The following DMXL1 variants were observed in gnomAD, a reference collection of about 807,000 sequenced individuals.
The protein encoded by DMXL1 is dmX-like protein 1.
A neutral mutation model predicts 319.2 loss-of-function variants in DMXL1; 99 were observed. The ratio of observed to expected loss-of-function variants is 0.31; its 90% CI spans 0.26 to 0.37. DMXL1 has a LOEUF of 0.37. Among genes scored for constraint, DMXL1 ranks in the 10% least tolerant of loss-of-function variants. DMXL1 has a pLI of 1.00. For synonymous variants in DMXL1, 1,385 were observed against 1,235.2 expected (o/e 1.12, Z -2.54); for missense variants, 3,745 against 3,595.6 (o/e 1.04, Z -1.06).
intron 5 of DMXL1, 30 bp from the exon 6 acceptor site, chr5:119,114,445 C>T (rs374448175): frequency 5.4e-6 from 8 of 1,474,264 alleles, no homozygotes; most frequent in Non-Finnish European, 7.5e-6. Context: ...GTTTTCATTG[C>T]AAATTATTCC....
At chr5:119,119,077 A>C in intron 8 of DMXL1, 73 bp downstream of exon 8, 1 of 976,506 alleles carries the variant, frequency 1.0e-6, no homozygotes, top group Admixed American at 3.1e-5. Flanking sequence ...GTAACACAGT[A>C]ATGTTATAAA....
intron 19 of DMXL1, among the ~76,000 whole-genome samples, chr5:119,161,081 C>T (rs1033648423): frequency 2.0e-5 from 3 of 152,162 alleles, no homozygotes; most frequent in Non-Finnish European, 4.4e-5. Flanking sequence ...CTCATTTGAG[C>T]AAGCTATCTG....
intron 25 of DMXL1, among the ~76,000 whole-genome samples, chr5:119,173,776 G>GTGTGTGTGTATATATATATATATA: frequency 4.5e-4 from 30 of 67,172 alleles, no homozygotes; most frequent in African/African-American, 1.7e-3. Context: ...ATGTGTGTGT[G>GTGTGTGTGTATATATATATATATA]TATATATATA....
chr5:119,214,780 A>G (rs116665871), intron 34 of DMXL1, among the ~76,000 whole-genome samples: 4,437 of 152,276 alleles, frequency 0.029, 95 homozygotes, highest in Non-Finnish European at 0.043. Context: ...ATGTATTCCT[A>G]CATAGAGAAA....
intron 34 of DMXL1, among the ~76,000 whole-genome samples, chr5:119,209,866 A>G (rs1474129929): frequency 6.6e-6 from 1 of 152,150 alleles, no homozygotes; most frequent in Non-Finnish European, 1.5e-5. Context: ...TTTAACAGTT[A>G]TTTGTATGTT....
intron 25 of DMXL1, 99 bp from the exon 26 acceptor site, chr5:119,175,162 T>A: frequency 2.4e-6 from 2 of 820,186 alleles, no homozygotes; most frequent in Non-Finnish European, 3.7e-6. Context: ...AATCAAAAAT[T>A]TTTTCATTCT....
At chr5:119,157,185 A>G (rs540548316) in intron 19 of DMXL1, among the ~76,000 whole-genome samples, 109 of 152,136 alleles carry the variant, frequency 7.2e-4, no homozygotes, top group African/African-American at 2.5e-3. Context: ...TTTTCTTGCT[A>G]TTGGGTTACT....
chr5:119,177,348 TTC>T lies in DMXL1; in HGVS notation c.6759-5_6759-4del. ...TATCATAGATTTAAATATTGTTTTT[TTC>T]TCTTAGTTCATTTCAGACGAATCAG... is the stretch of plus-strand genomic sequence containing the variant. On this transcript the variant is annotated splice_region_variant and splice_polypyrimidine_tract_variant and intron_variant, in intron 26 of 43. Transcript: ENST00000539542. 2 of 1,486,194 alleles carry T rather than the reference TTC, an allele frequency of 1.3e-6. No homozygotes were observed. Among genetic ancestry groups the T allele is most frequent in the Non-Finnish European group, 1.8e-6 (2 of 1,109,390 alleles). The allele number at this position is 1,486,194 out of a possible 1,614,324, so 92.1% of individuals were successfully genotyped here. A position where few individuals can be genotyped will look rare whatever the true frequency, so the allele number is the denominator to read the frequency against.
intron 20 of DMXL1, 63 bp from the exon 21 acceptor site, chr5:119,165,120 T>C: frequency 1.0e-6 from 1 of 979,748 alleles, no homozygotes; most frequent in Non-Finnish European, 1.6e-6. Flanking sequence ...GCCTTTCATA[T>C]GAAAGAAATT....
intron 34 of DMXL1, among the ~76,000 whole-genome samples, chr5:119,212,488 A>G (rs1476527914): frequency 1.3e-5 from 2 of 152,154 alleles, no homozygotes; most frequent in Non-Finnish European, 2.9e-5. Context: ...TGTCTTGGTT[A>G]TTGTGAATAA....
chr5:119,246,357 A>T (rs1561962239), intron 43 of DMXL1, among the ~76,000 whole-genome samples: 1 of 152,154 alleles, frequency 6.6e-6, no homozygotes, highest in Non-Finnish European at 1.5e-5. Context: ...CTGCTGAGAG[A>T]TAGGAAACGT....
chr5:119,189,524 T>A (rs1778335800), intron 28 of DMXL1, among the ~76,000 whole-genome samples, 184 bp from the exon 29 acceptor site: 1 of 152,204 alleles, frequency 6.6e-6, no homozygotes, highest in Non-Finnish European at 1.5e-5. Context: ...AAGCAGAGGT[T>A]GCTAGACAGA....
intron 19 of DMXL1, among the ~76,000 whole-genome samples, chr5:119,159,091 C>T (rs181277799): frequency 6.6e-5 from 10 of 151,548 alleles, no homozygotes; most frequent in South Asian, 2.1e-4. Flanking sequence ...ACCGGTGATG[C>T]GATCAGATTC....
At chr5:119,191,636 C>G (rs1300689044) in intron 29 of DMXL1, among the ~76,000 whole-genome samples, 1 of 152,134 alleles carries the variant, frequency 6.6e-6, no homozygotes, top group Admixed American at 6.5e-5. Flanking sequence ...GCCCTTCCAC[C>G]CAATCAATAT....
At chr5:119,076,475 T>C (rs933017298) in intron 1 of DMXL1, among the ~76,000 whole-genome samples, 2 of 152,170 alleles carry the variant, frequency 1.3e-5, no homozygotes, top group Non-Finnish European at 2.9e-5. Flanking sequence ...ATTGCTACTA[T>C]TCACATGTGA....
chr5:119,164,330 T>A (rs1772956757), intron 19 of DMXL1, among the ~76,000 whole-genome samples, 177 bp from the exon 20 acceptor site: 1 of 152,184 alleles, frequency 6.6e-6, no homozygotes, highest in African/African-American at 2.4e-5. Flanking sequence ...ATGTGCTCAT[T>A]GGAGTGATAC....
intron 13 of DMXL1, among the ~76,000 whole-genome samples, chr5:119,141,290 A>G (rs941793707): frequency 1.3e-5 from 2 of 152,192 alleles, no homozygotes; most frequent in African/African-American, 2.4e-5. Flanking sequence ...GCATCTAAAT[A>G]GGAAGAGAGG....
At chr5:119,097,205 T>C (rs1276475858) in intron 1 of DMXL1, among the ~76,000 whole-genome samples, 1 of 152,200 alleles carries the variant, frequency 6.6e-6, no homozygotes. Context: ...CCATTTAGGA[T>C]ATTGACCATG....
At chr5:119,080,644 T>C (rs1751995854) in intron 1 of DMXL1, among the ~76,000 whole-genome samples, 1 of 152,214 alleles carries the variant, frequency 6.6e-6, no homozygotes. Context: ...TGAAATAGCC[T>C]TTTAACCTCT....
Sources: allele counts gnomAD v4.1 joint callset (sites outside exome capture counted in the v4.1 genomes callset), GRCh38; gene constraint gnomAD v4.1.1; transcripts MANE v1.5; gene names NCBI Gene and HGNC (gene_info 2026-07-23, HGNC 2026-07-21).